TRAPPC6A: variants seen among roughly 807,000 people sequenced by gnomAD.
TRAPPC6A encodes the protein TRAPP complex subunit 6A.
TRAPPC6A carries 25 observed loss-of-function variants against 20.8 expected under a neutral mutation model. The ratio of observed to expected loss-of-function variants is 1.20; its 90% CI spans 0.88 to 1.68. The LOEUF (loss-of-function observed/expected upper bound fraction) is 1.68. TRAPPC6A is among the 40% of genes most tolerant of loss of function. The pLI, the probability that TRAPPC6A is intolerant of heterozygous loss-of-function variation, is 0.00. For missense variants in TRAPPC6A, 215 were observed against 211.6 expected (o/e 1.02, Z -0.10); for synonymous variants, 96 against 93.3 (o/e 1.03, Z -0.16).
In TRAPPC6A at chr19:45,172,392, G is replaced by A. The variant is rs1379318313; in HGVS notation, c.84+5743C>T. Among the ~76,000 whole-genome samples the A allele has an allele frequency of 2.0e-5, 3 of 151,590 alleles. No homozygotes were observed. The highest frequency in any genetic ancestry group is 3.8e-4 in the East Asian group (2 of 5,198). ...TGTGCTCCACCCCTTCCTGTCTCTT[G>A]TGTCTGCCCTACCCCTCGATTGTTC... On this transcript the variant is annotated intron_variant, in intron 1 of 5. Transcript: ENST00000585934. This position sits in a 1 kb window ranked among gnomAD's most constrained non-coding sequence, Gnocchi z 4.2.
chr19:45,164,144 G>A lies in TRAPPC6A; in HGVS notation c.354+20C>T, dbSNP rs1387747559. On this transcript the variant is annotated intron_variant, in intron 4 of 5. Transcript: ENST00000585934. Reference sequence around the variant, plus strand: ...ACAGGAGGAAGGGAGGTGTGGACAAGGCCCCAGCTCCCCCCATACCTTGGG... The same window carrying A: ...ACAGGAGGAAGGGAGGTGTGGACAAAGCCCCAGCTCCCCCCATACCTTGGG... 2 of 1,587,164 alleles carry A rather than the reference G, an allele frequency of 1.3e-6. No homozygotes were observed. Among genetic ancestry groups the A allele is most frequent in the African/African-American group, 1.3e-5 (1 of 74,828 alleles).
intron 1 of TRAPPC6A, among the ~76,000 whole-genome samples, chr19:45,167,773 G>A (rs1045993025): frequency 5.3e-5 from 8 of 152,292 alleles, no homozygotes; most frequent in South Asian, 2.1e-4. Flanking sequence ...GTGGGCCATC[G>A]CGCCCAGCTG....
At position 45,172,927 on chromosome 19, in the gene TRAPPC6A, G is replaced by A. The variant is rs1969295169; in HGVS notation, c.84+5208C>T. Among the ~76,000 whole-genome samples, 1 of 151,674 alleles carries A rather than the reference G, an allele frequency of 6.6e-6. No individual in the cohort carries two copies. The highest frequency in any genetic ancestry group is 1.5e-5 in the Non-Finnish European group (1 of 68,032). ...CAGTTCCCAGGAGGGCCTCGCTGGA[G>A]CTCCCAGCCACAGATGCTCAGGACG... On this transcript the variant is annotated intron_variant, in intron 1 of 5. Transcript: ENST00000585934. The surrounding 1 kb of genome is among the most constrained non-coding windows in gnomAD (Gnocchi z 4.2).
At chr19:45,166,913 C>T (rs559786557) in intron 1 of TRAPPC6A, among the ~76,000 whole-genome samples, 3 of 152,318 alleles carry the variant, frequency 2.0e-5, no homozygotes, top group East Asian at 1.9e-4. Flanking sequence ...GCCTGGAGAG[C>T]GTGTCCGAGG....
intron 3 of TRAPPC6A, 122 bp downstream of exon 3, chr19:45,164,731 G>A (rs1458781900): frequency 6.3e-5 from 55 of 875,074 alleles, no homozygotes; most frequent in Middle Eastern, 3.1e-4. Flanking sequence ...AGCTGCGGCC[G>A]CCTGTGGGAA....
chr19:45,167,198 A>C (rs1459096577), intron 1 of TRAPPC6A, among the ~76,000 whole-genome samples: 1 of 152,208 alleles, frequency 6.6e-6, no homozygotes, highest in Non-Finnish European at 1.5e-5. Context: ...AGACTGGCTG[A>C]TGAGACAACG....
At chr19:45,169,202 C>T (rs1756547830) in intron 1 of TRAPPC6A, among the ~76,000 whole-genome samples, 2 of 152,218 alleles carry the variant, frequency 1.3e-5, no homozygotes, top group Non-Finnish European at 2.9e-5. Context: ...TGCAGAGCCA[C>T]CGCCTGGGTC....
intron 3 of TRAPPC6A, chr19:45,164,636 C>T (rs776969293): frequency 3.5e-5 from 21 of 601,846 alleles, no homozygotes; most frequent in Non-Finnish European, 5.9e-5. Context: ...ATGGCTCACT[C>T]CTGGTAGGCT....
At chr19:45,167,246 C>T (rs923090084) in intron 1 of TRAPPC6A, among the ~76,000 whole-genome samples, 2 of 152,200 alleles carry the variant, frequency 1.3e-5, no homozygotes, top group African/African-American at 2.4e-5. Context: ...TTACCTAATG[C>T]TGTCAACAGG....
chr19:45,169,147 C>T (rs1339622392), intron 1 of TRAPPC6A, among the ~76,000 whole-genome samples: 1 of 152,156 alleles, frequency 6.6e-6, no homozygotes, highest in African/African-American at 2.4e-5. Context: ...TGGGAAGAGA[C>T]CCCTGCCCGT....
Position 45,162,976 on chromosome 19 carries a change from G to A in TRAPPC6A, c.*216C>T, listed in dbSNP as rs1048552. 7.4e-3 allele frequency: 3,269 copies of A among 439,230 alleles called. 99 individuals are homozygous for A. Among genetic ancestry groups the A allele is most frequent in the African/African-American group, 0.05 (2,444 of 49,364 alleles). The allele number at this position is 439,230 out of a possible 1,614,324, so 27.2% of individuals were successfully genotyped here. ...TATTGAGCAGCTACTGGGCAGTGAC[G>A]CTGCCGAGGCGGGAATCCCACCACA... On this transcript the variant is annotated 3_prime_UTR_variant, in exon 6 of 6. Transcript: ENST00000585934.
rs1215832396 is a variant in TRAPPC6A, at chr19:45,163,896, C to T, written c.448+20G>A. 2 of 1,553,324 alleles carry T rather than the reference C, an allele frequency of 1.3e-6. No homozygotes were observed. The highest frequency in any genetic ancestry group is 1.7e-6 in the Non-Finnish European group (2 of 1,145,168). On this transcript the variant is annotated intron_variant, in intron 5 of 5. Transcript: ENST00000585934. This position sits in a 1 kb window ranked among gnomAD's most constrained non-coding sequence, Gnocchi z 5.3. ...GCAACTCAAGGGATGAGAAGAATCC[C>T]CCCACCCCCCATGACTCACAGACGG...
chr19:45,164,601 G>A, intron 3 of TRAPPC6A: 1 of 586,696 alleles, frequency 1.7e-6, no homozygotes, highest in East Asian at 2.8e-5. Context: ...AGGGCAGGCA[G>A]CCACCAGGGG....
intron 1 of TRAPPC6A, among the ~76,000 whole-genome samples, chr19:45,167,964 C>T (rs1449512513): frequency 6.7e-6 from 1 of 149,952 alleles, no homozygotes; most frequent in African/African-American, 2.5e-5. Flanking sequence ...TGCCACTGTA[C>T]TGCAGCCCAG....
intron 1 of TRAPPC6A, among the ~76,000 whole-genome samples, chr19:45,165,553 C>T (rs1459924999): frequency 1.3e-5 from 2 of 152,256 alleles, no homozygotes; most frequent in East Asian, 3.8e-4. Context: ...CAGCGCGAAC[C>T]CTCACAATGC....
rs1443220978 is a variant in TRAPPC6A at position 45,172,768 on chromosome 19, C to T, written c.84+5367G>A. 4.6e-5 allele frequency among the ~76,000 whole-genome samples: 7 copies of T among 151,748 alleles called. No homozygotes were observed. The highest frequency in any genetic ancestry group is 3.9e-4 in the East Asian group (2 of 5,182). On this transcript the variant is annotated intron_variant, in intron 1 of 5. Coordinates refer to ENST00000585934, the MANE Select transcript of TRAPPC6A (RefSeq NM_001270891.2). This position sits in a 1 kb window ranked among gnomAD's most constrained non-coding sequence, Gnocchi z 4.2. ...CCTCTGCCTTAAGCTCCTGCAACAG[C>T]GGGGCCCTTCCCAGGCCAATCTCCA...
intron 1 of TRAPPC6A, among the ~76,000 whole-genome samples, chr19:45,168,964 G>T (rs1208558299): frequency 6.6e-6 from 1 of 152,206 alleles, no homozygotes; most frequent in East Asian, 1.9e-4. Flanking sequence ...CCCTTGCCAG[G>T]CCTCGCCCTC....
At chr19:45,165,568 G>A (rs1158771989) in intron 1 of TRAPPC6A, among the ~76,000 whole-genome samples, 5 of 152,236 alleles carry the variant, frequency 3.3e-5, no homozygotes, top group Non-Finnish European at 7.3e-5. Flanking sequence ...CAATGCCCTG[G>A]GAAGTGGGCG....
chr19:45,162,984 G>C lies in TRAPPC6A; in HGVS notation c.*208C>G. 2 of 442,948 alleles carry C rather than the reference G, an allele frequency of 4.5e-6. No individual in the cohort carries two copies. The highest frequency in any genetic ancestry group is 8.5e-5 in the Admixed American group (2 of 23,490). The allele number at this position is 442,948 out of a possible 1,614,324, so 27.4% of individuals were successfully genotyped here. A position where few individuals can be genotyped will look rare whatever the true frequency, so the allele number is the denominator to read the frequency against. On this transcript the variant is annotated 3_prime_UTR_variant, in exon 6 of 6. Transcript: ENST00000585934. ...AGCTACTGGGCAGTGACGCTGCCGAGGCGGGAATCCCACCACAGTCCTGAC... is the reference window on the plus strand; with the variant it reads ...AGCTACTGGGCAGTGACGCTGCCGACGCGGGAATCCCACCACAGTCCTGAC...
Sources: allele counts gnomAD v4.1 joint callset (sites outside exome capture counted in the v4.1 genomes callset), GRCh38; gene constraint gnomAD v4.1.1; non-coding constraint Gnocchi (gnomAD v3.1); transcripts MANE v1.5; gene names NCBI Gene and HGNC (gene_info 2026-07-23, HGNC 2026-07-21).